The following GFOD1 variants were observed in gnomAD, a reference collection of about 807,000 sequenced individuals.
The protein encoded by GFOD1 is glucose-fructose oxidoreductase domain-containing protein 1.
GFOD1 carries 9 observed loss-of-function variants against 25.4 expected under a neutral mutation model. That is an observed-to-expected ratio of 0.35 (90% CI 0.21 to 0.62). GFOD1 has a LOEUF of 0.62. Among genes scored for constraint, GFOD1 ranks in the 20% least tolerant of loss-of-function variants. The pLI is 0.72. For missense variants in GFOD1, 403 were observed against 556.9 expected (o/e 0.72, Z 2.78); for synonymous variants, 253 against 245.6 (o/e 1.03, Z -0.28).
chr6:13,473,874 C>T (rs973983154), intron 1 of GFOD1, among the ~76,000 whole-genome samples: 1 of 152,198 alleles, frequency 6.6e-6, no homozygotes, highest in Non-Finnish European at 1.5e-5. Context: ...CTCAGCAACC[C>T]ACCAAAGAGG....
chr6:13,458,642 G>A (rs1332789709), intron 1 of GFOD1, among the ~76,000 whole-genome samples: 1 of 149,964 alleles, frequency 6.7e-6, no homozygotes, highest in Non-Finnish European at 1.5e-5. Context: ...ACTAATACCT[G>A]CATTATAGGG....
chr6:13,383,405 C>T (rs1785403791), intron 1 of GFOD1, among the ~76,000 whole-genome samples: 1 of 152,216 alleles, frequency 6.6e-6, no homozygotes, highest in Non-Finnish European at 1.5e-5. Context: ...GAACTGCTAA[C>T]TGGAGAAAGT....
intron 1 of GFOD1, among the ~76,000 whole-genome samples, chr6:13,401,948 C>G (rs932089783): frequency 1.3e-5 from 2 of 152,186 alleles, no homozygotes; most frequent in Non-Finnish European, 1.5e-5. Flanking sequence ...TACCTCAAAG[C>G]TACAGTAATC....
At chr6:13,428,568 G>T (rs547872311) in intron 1 of GFOD1, among the ~76,000 whole-genome samples, 1 of 152,118 alleles carries the variant, frequency 6.6e-6, no homozygotes, top group Non-Finnish European at 1.5e-5. Context: ...ATTAAAGGCC[G>T]CTGCAAGAAC....
Position 13,409,144 on chromosome 6 carries a change from A to AG in GFOD1, c.254-43483dup, listed in dbSNP as rs879716944. 2.9e-3 allele frequency among the ~76,000 whole-genome samples: 110 copies of AG among 37,388 alleles called. 5 individuals carry two copies. Among genetic ancestry groups the AG allele is most frequent in the Middle Eastern group, 0.01 (1 of 98 alleles). 24.5% of individuals were successfully genotyped at this position (37,388 alleles called of 152,430 possible). A position where few individuals can be genotyped will look rare whatever the true frequency, so the allele number is the denominator to read the frequency against. On this transcript the variant is annotated intron_variant, in intron 1 of 1. Coordinates refer to ENST00000379287, the MANE Select transcript of GFOD1 (RefSeq NM_018988.4). ...AAGAAAGAAAGAAAGAAAGAAAGAA[A>AG]GAAAGAGAGGAAAGAAAGAAAGGAA...
intron 1 of GFOD1, among the ~76,000 whole-genome samples, chr6:13,393,521 T>C (rs960276800): frequency 2.0e-5 from 3 of 152,002 alleles, no homozygotes; most frequent in African/African-American, 7.3e-5. Flanking sequence ...GCAGCTCCTG[T>C]AGAGCTCTCC....
chr6:13,476,848 C>T (rs536218205), intron 1 of GFOD1, among the ~76,000 whole-genome samples: 1 of 152,202 alleles, frequency 6.6e-6, no homozygotes, highest in Admixed American at 6.5e-5. Context: ...AGTCTAAACC[C>T]CAAGGCATCC....
intron 1 of GFOD1, among the ~76,000 whole-genome samples, chr6:13,434,263 CT>C (rs1202148751): frequency 8.4e-6 from 1 of 118,786 alleles, no homozygotes; most frequent in Non-Finnish European, 1.8e-5. Flanking sequence ...AGTGCAGGGC[CT>C]TATGGGAACA....
rs569059574 is a variant in GFOD1, at chr6:13,428,740, A to G, written c.253+57898T>C. Among the ~76,000 whole-genome samples the G allele has an allele frequency of 3.3e-5, 5 of 152,224 alleles. No individual in the cohort carries two copies. The East Asian group carries it at 9.7e-4, about 29-fold the overall frequency. On this transcript the variant is annotated intron_variant, in intron 1 of 1. Transcript: ENST00000379287. The stretch of plus-strand genomic sequence containing the variant: ...AGGAGTACTGCTTTTGATCATCTGT[A>G]CTTCTGCGGCCACTCTCAAACTTCC...
rs1785444987 is a variant in GFOD1 at position 13,385,236 on chromosome 6, C to G, written c.254-19574G>C. The stretch of plus-strand genomic sequence containing the variant: ...TGACAGTCTAATCTCGGGCGTGTGC[C>G]AGCCTTCCGTGTAGGTATCTCAAGA... On this transcript the variant is annotated intron_variant, in intron 1 of 1. Coordinates refer to ENST00000379287, the MANE Select transcript of GFOD1 (RefSeq NM_018988.4). Among the ~76,000 whole-genome samples the G allele has an allele frequency of 2.0e-5, 3 of 152,320 alleles. No homozygotes were observed. In the South Asian group the frequency reaches 6.2e-4, roughly 32 times the overall value.
At chr6:13,385,079 C>T (rs1449953422) in intron 1 of GFOD1, among the ~76,000 whole-genome samples, 1 of 152,178 alleles carries the variant, frequency 6.6e-6, no homozygotes, top group Non-Finnish European at 1.5e-5. Flanking sequence ...CAGCTGTACC[C>T]TACAATGAGA....
chr6:13,427,163 A>C (rs745325125), intron 1 of GFOD1, among the ~76,000 whole-genome samples: 3 of 152,178 alleles, frequency 2.0e-5, no homozygotes, highest in Non-Finnish European at 4.4e-5. Flanking sequence ...TTGAAATTAC[A>C]TTTATCAGGA....
intron 1 of GFOD1, among the ~76,000 whole-genome samples, chr6:13,451,080 G>A (rs1349428403): frequency 1.3e-5 from 2 of 152,134 alleles, no homozygotes; most frequent in Non-Finnish European, 2.9e-5. Context: ...CTCATTCTTT[G>A]TACACTTCGG....
At chr6:13,466,422 AT>A (rs1758379680) in intron 1 of GFOD1, among the ~76,000 whole-genome samples, 1 of 152,126 alleles carries the variant, frequency 6.6e-6, no homozygotes, top group Non-Finnish European at 1.5e-5. Flanking sequence ...ACCCACACAG[AT>A]TACTAATGTC....
chr6:13,420,611 C>A (rs192718190), intron 1 of GFOD1, among the ~76,000 whole-genome samples: 39 of 152,334 alleles, frequency 2.6e-4, no homozygotes, highest in Non-Finnish European at 4.3e-4. Context: ...TGTGCAGTAC[C>A]TCAAAATGCA....
intron 1 of GFOD1, among the ~76,000 whole-genome samples, chr6:13,372,162 G>A (rs923003955): frequency 4.6e-5 from 7 of 152,196 alleles, no homozygotes; most frequent in Non-Finnish European, 1.0e-4. Flanking sequence ...TCCAACCTAT[G>A]TTGCCGTGCT....
At chr6:13,427,863 C>T (rs997255986) in intron 1 of GFOD1, among the ~76,000 whole-genome samples, 18 of 152,184 alleles carry the variant, frequency 1.2e-4, no homozygotes, top group African/African-American at 4.1e-4. Flanking sequence ...GAATCTTTAG[C>T]AGCCCCACGA....
intron 1 of GFOD1, among the ~76,000 whole-genome samples, chr6:13,377,930 C>T (rs1430589010): frequency 6.6e-6 from 1 of 152,078 alleles, no homozygotes; most frequent in Admixed American, 6.6e-5. Flanking sequence ...ATTTTCAGTC[C>T]CTTGTTATCA....
intron 1 of GFOD1, among the ~76,000 whole-genome samples, chr6:13,419,790 C>T (rs1322917896): frequency 1.3e-5 from 2 of 152,192 alleles, no homozygotes; most frequent in Non-Finnish European, 2.9e-5. Flanking sequence ...CCACCTGAAA[C>T]CTGCTGTCCG....
Sources: allele counts gnomAD v4.1 joint callset (sites outside exome capture counted in the v4.1 genomes callset), GRCh38; gene constraint gnomAD v4.1.1; transcripts MANE v1.5; gene names NCBI Gene and HGNC (gene_info 2026-07-23, HGNC 2026-07-21).